TBL1Y: variants seen among roughly 807,000 people sequenced by gnomAD.
TBL1Y encodes the protein F-box-like/WD repeat-containing protein TBL1Y.
In TBL1Y, 15 loss-of-function variants were observed where a neutral mutation model predicts 12.0. The ratio of observed to expected loss-of-function variants is 1.25; its 90% CI spans 0.83 to 1.92. The LOEUF is 1.92. TBL1Y is among the 40% of genes most tolerant of loss of function. The pLI, the probability that TBL1Y is intolerant of heterozygous loss-of-function variation, is 0.00. For synonymous variants in TBL1Y, 53 were observed against 42.6 expected, an observed-to-expected ratio of 1.24 and a Z score of -0.95; for missense variants, 148 against 116.7, an observed-to-expected ratio of 1.27 and a Z score of -1.24.
At chrY:6,934,424 GCTCCA>G (rs2011889048) in intron 2 of TBL1Y, among the ~76,000 whole-genome samples, 1 of 32,796 alleles carries the variant, frequency 3.0e-5, no homozygotes, top group Non-Finnish European at 7.4e-5. Context: ...CCCCAACCAC[GCTCCA>G]CTCCCAGGTG....
chrY:7,064,290 T>A, intron 8 of TBL1Y, 141 bp downstream of exon 8: 1 of 192,728 alleles, frequency 5.2e-6, no homozygotes, highest in Non-Finnish European at 8.6e-6. Flanking sequence ...TTGCTTTCAA[T>A]CTACCCAGAA....
chrY:6,961,357 A>C (rs2012124633), intron 2 of TBL1Y, among the ~76,000 whole-genome samples: 1 of 32,617 alleles, frequency 3.1e-5, no homozygotes, highest in South Asian at 7.8e-4. Context: ...GGTGGATGGC[A>C]ACTTCATCTG....
intron 2 of TBL1Y, among the ~76,000 whole-genome samples, chrY:6,928,028 C>G: frequency 1.2e-4 from 4 of 32,951 alleles, no homozygotes; most frequent in Non-Finnish European, 3.0e-4. Context: ...GGACTCACCG[C>G]CAAACTTAAG....
At chrY:7,090,235 G>A in intron 18 of TBL1Y, 45 bp downstream of exon 18, 1 of 334,053 alleles carries the variant, frequency 3.0e-6, no homozygotes, top group Non-Finnish European at 4.4e-6. Flanking sequence ...TGTTGGGGGA[G>A]GGGGATAAGT....
chrY:7,043,073 C>T lies in TBL1Y; in HGVS notation c.152C>T (p.Ser51Phe). The T allele has an allele frequency of 2.5e-6, 1 of 398,247 alleles. No homozygotes were observed. Among genetic ancestry groups the T allele is most frequent in the African/African-American group, 6.1e-5 (1 of 16,278 alleles). ...GTLVPPSALI[S>F]ILQKGLQYVE... Reference sequence around the variant, plus strand: ...CTAGTGCCACCGTCTGCCCTCATCTCCATTCTCCAGAAGGGACTGCAGTAT... The same window carrying T: ...CTAGTGCCACCGTCTGCCCTCATCTTCATTCTCCAGAAGGGACTGCAGTAT... Residue 51 changes from serine (S) to phenylalanine (F), a missense_variant, in exon 7 of 19, where the codon TCC becomes TTC. Coordinates refer to ENST00000383032, the MANE Select transcript of TBL1Y (RefSeq NM_033284.2).
chrY:7,057,997 T>A (rs113135566), intron 7 of TBL1Y, among the ~76,000 whole-genome samples: 3,768 of 33,804 alleles, frequency 0.11, no homozygotes, highest in Non-Finnish European at 0.19. Flanking sequence ...GGGCTTTAAA[T>A]TGACTGGTAT....
chrY:7,019,965 T>A (rs2012572712), intron 4 of TBL1Y, among the ~76,000 whole-genome samples: 1 of 33,594 alleles, frequency 3.0e-5, no homozygotes, highest in African/African-American at 1.2e-4. Flanking sequence ...TTGGTTGGTT[T>A]TTGTTTTTGT....
At chrY:7,075,732 T>A (rs1603050262) in intron 13 of TBL1Y, among the ~76,000 whole-genome samples, 1 of 33,393 alleles carries the variant, frequency 3.0e-5, no homozygotes, top group East Asian at 7.9e-4. Flanking sequence ...ATGCCATTAC[T>A]GCTAGAGTTC....
At chrY:7,067,754 C>T (rs2012997297) in intron 8 of TBL1Y, among the ~76,000 whole-genome samples, 1 of 32,801 alleles carries the variant, frequency 3.0e-5, no homozygotes, top group African/African-American at 1.2e-4. Flanking sequence ...ATTCATGAGC[C>T]TCTATAGAAC....
chrY:7,036,571 G>A, intron 6 of TBL1Y, among the ~76,000 whole-genome samples: 1 of 33,508 alleles, frequency 3.0e-5, no homozygotes, highest in Non-Finnish European at 7.4e-5. Flanking sequence ...TTGAAATCTG[G>A]GGTTGGATCA....
At chrY:7,027,476 G>A in intron 6 of TBL1Y, among the ~76,000 whole-genome samples, 1 of 33,090 alleles carries the variant, frequency 3.0e-5, no homozygotes, top group Non-Finnish European at 7.4e-5. Context: ...GAGGTCAGGA[G>A]TCAAGACCAT....
intron 2 of TBL1Y, among the ~76,000 whole-genome samples, chrY:6,942,765 T>C (rs756619773): frequency 1.8e-4 from 6 of 32,832 alleles, no homozygotes; most frequent in Non-Finnish European, 4.5e-4. Context: ...CAGCACTTGA[T>C]AGGAAAGCAG....
At position 7,087,412 on chromosome Y, in the gene TBL1Y, G is replaced by T; in HGVS notation, c.1426G>T (p.Val476Phe). The change falls in exon 17 of 19, where the codon GTT (valine) becomes TTT (phenylalanine). Residue 476 changes from valine to phenylalanine, a missense_variant. Val to Phe is a conservative substitution (Grantham distance 50). Coordinates refer to ENST00000383032, the MANE Select transcript of TBL1Y (RefSeq NM_033284.2). ...GGCTAGTGGATCCTTTGACAAGTAT[G>T]TTCATATCTGGAATACTCAGGTAAG... ...YLASGSFDKY[V>F]HIWNTQSGSL... The T allele has an allele frequency of 5.0e-6, 2 of 396,072 alleles. No individual in the cohort carries two copies. Among genetic ancestry groups the T allele is most frequent in the South Asian group, 6.0e-5 (2 of 33,418 alleles).
chrY:6,986,839 C>T, intron 3 of TBL1Y, among the ~76,000 whole-genome samples: 1 of 32,725 alleles, frequency 3.1e-5, no homozygotes, highest in Non-Finnish European at 7.5e-5. Flanking sequence ...ATAAACCCAT[C>T]ATAATTTGAA....
chrY:6,958,902 GC>G, intron 2 of TBL1Y, among the ~76,000 whole-genome samples: 1 of 33,872 alleles, frequency 3.0e-5, no homozygotes, highest in Non-Finnish European at 7.3e-5. Context: ...GGGGCAGGCA[GC>G]AGACAGTGGC....
At chrY:7,011,852 G>A in intron 4 of TBL1Y, among the ~76,000 whole-genome samples, 1 of 33,857 alleles carries the variant, frequency 3.0e-5, no homozygotes, top group Admixed American at 2.7e-4. Context: ...TTTGCAGATA[G>A]TTTTCTTAGA....
At chrY:7,071,159 T>G in intron 10 of TBL1Y, among the ~76,000 whole-genome samples, 1 of 33,820 alleles carries the variant, frequency 3.0e-5, no homozygotes, top group Non-Finnish European at 7.4e-5. Flanking sequence ...GAGGTATTTC[T>G]CCTGGGGAGA....
chrY:7,085,748 A>G, intron 14 of TBL1Y, 150 bp from the exon 15 acceptor site: 1 of 167,126 alleles, frequency 6.0e-6, no homozygotes, highest in Non-Finnish European at 1.1e-5. Context: ...AGGAAACTAG[A>G]CGGCTGGTTG....
intron 8 of TBL1Y, among the ~76,000 whole-genome samples, chrY:7,064,440 G>A: frequency 6.0e-5 from 2 of 33,320 alleles, no homozygotes; most frequent in South Asian, 1.4e-3. Flanking sequence ...AAACAAAAGT[G>A]TTTAATTCAT....
Sources: allele counts gnomAD v4.1 joint callset (sites outside exome capture counted in the v4.1 genomes callset), GRCh38; gene constraint gnomAD v4.1.1; transcripts MANE v1.5; gene names NCBI Gene and HGNC (gene_info 2026-07-23, HGNC 2026-07-21).